TENM3: variants seen among roughly 807,000 people sequenced by gnomAD.
TENM3 encodes the protein teneurin-3.
Under a neutral mutation model 255.1 loss-of-function variants are expected in TENM3, and 63 were observed. The ratio of observed to expected loss-of-function variants is 0.25; its 90% CI spans 0.20 to 0.30. The LOEUF (loss-of-function observed/expected upper bound fraction) is 0.30, where lower values mean the gene tolerates loss of function less well. Among genes scored for constraint, TENM3 ranks in the 10% least tolerant of loss-of-function variants. The pLI, the probability that TENM3 is intolerant of heterozygous loss-of-function variation, is 1.00. For missense variants in TENM3, 2,929 were observed against 3,461.1 expected, an observed-to-expected ratio of 0.85 and a Z score of 3.86; for synonymous variants, 1,306 against 1,322.3, an observed-to-expected ratio of 0.99 and a Z score of 0.27.
intron 3 of TENM3, among the ~76,000 whole-genome samples, chr4:182,392,608 T>C (rs1580394094): frequency 6.6e-6 from 1 of 151,940 alleles, no homozygotes; most frequent in Non-Finnish European, 1.5e-5. Flanking sequence ...ATTGCCCATG[T>C]GGGGAGCGCT....
intron 5 of TENM3, among the ~76,000 whole-genome samples, chr4:182,643,252 A>G (rs553825217): frequency 6.6e-6 from 1 of 152,310 alleles, no homozygotes; most frequent in Non-Finnish European, 1.5e-5. Context: ...ATATTTATGT[A>G]TTCATGAAAT....
chr4:181,667,397 G>A, the TENM3 span, among the ~76,000 whole-genome samples: 20 of 151,904 alleles, frequency 1.3e-4, no homozygotes, highest in South Asian at 2.1e-4. Context: ...ACAATGGCTC[G>A]CAAACCATCT....
intron 3 of TENM3, among the ~76,000 whole-genome samples, chr4:182,360,269 G>A (rs1487386570): frequency 7.9e-6 from 1 of 127,174 alleles, no homozygotes; most frequent in Middle Eastern, 3.6e-3. Flanking sequence ...CAATTCCTGG[G>A]TATCCTTGTT....
the TENM3 span, among the ~76,000 whole-genome samples, chr4:181,755,467 C>G: frequency 1.3e-5 from 2 of 151,778 alleles, no homozygotes; most frequent in Non-Finnish European, 2.9e-5. Context: ...AGAAGTTTGT[C>G]AAACTTCTTA....
At chr4:182,444,437 T>C (rs1772745410) in intron 3 of TENM3, among the ~76,000 whole-genome samples, 1 of 152,128 alleles carries the variant, frequency 6.6e-6, no homozygotes, top group South Asian at 2.1e-4. Context: ...TATATATATA[T>C]TTACAAATAA....
At chr4:181,611,007 A>G in the TENM3 span, among the ~76,000 whole-genome samples, 5 of 152,202 alleles carry the variant, frequency 3.3e-5, no homozygotes, top group African/African-American at 1.2e-4. Flanking sequence ...GTTAGTTCCA[A>G]TGATTTTAGC....
the TENM3 span, among the ~76,000 whole-genome samples, chr4:181,965,661 G>A: frequency 6.6e-6 from 1 of 152,158 alleles, no homozygotes; most frequent in Non-Finnish European, 1.5e-5. Context: ...AGAATGTCAT[G>A]TTACAATTAG....
At chr4:181,656,588 C>G in the TENM3 span, among the ~76,000 whole-genome samples, 2 of 152,012 alleles carry the variant, frequency 1.3e-5, no homozygotes, top group African/African-American at 4.8e-5. Context: ...TTGAAAGGAT[C>G]CATCAGGCAG....
At chr4:182,380,181 G>A (rs772969484) in intron 3 of TENM3, among the ~76,000 whole-genome samples, 4 of 152,180 alleles carry the variant, frequency 2.6e-5, no homozygotes, top group Admixed American at 6.5e-5. Context: ...TGAGGCATGA[G>A]AATCACTTGA....
the TENM3 span, among the ~76,000 whole-genome samples, chr4:182,111,631 G>T: frequency 6.6e-6 from 1 of 152,242 alleles, no homozygotes; most frequent in African/African-American, 2.4e-5. Flanking sequence ...CTTTTCCTTA[G>T]GTCCTTTATT....
the TENM3 span, among the ~76,000 whole-genome samples, chr4:182,136,391 G>T: frequency 6.6e-6 from 1 of 151,992 alleles, no homozygotes; most frequent in African/African-American, 2.4e-5. Context: ...CTGATTCTTT[G>T]TCCTACACAT....
At chr4:181,711,197 T>G in the TENM3 span, among the ~76,000 whole-genome samples, 6 of 152,328 alleles carry the variant, frequency 3.9e-5, no homozygotes, top group Non-Finnish European at 8.8e-5. Context: ...AAGCCACATA[T>G]GCACAAGAAC....
the TENM3 span, among the ~76,000 whole-genome samples, chr4:181,585,361 C>T: frequency 6.6e-6 from 1 of 152,088 alleles, no homozygotes; most frequent in African/African-American, 2.4e-5. Flanking sequence ...ATATCGCAGC[C>T]TGAAGCTTTT....
the TENM3 span, among the ~76,000 whole-genome samples, chr4:181,472,839 C>G: frequency 3.3e-5 from 5 of 152,132 alleles, no homozygotes; most frequent in African/African-American, 1.2e-4. Flanking sequence ...GTTACCTACA[C>G]TCTTGGTTTC....
chr4:182,574,592 G>A (rs1744732916), intron 3 of TENM3, among the ~76,000 whole-genome samples: 3 of 152,064 alleles, frequency 2.0e-5, no homozygotes, highest in African/African-American at 7.2e-5. Flanking sequence ...ACATTAAAAT[G>A]TATTATTTTG....
the TENM3 span, among the ~76,000 whole-genome samples, chr4:181,524,030 G>A: frequency 2.0e-5 from 3 of 151,922 alleles, no homozygotes; most frequent in Non-Finnish European, 4.4e-5. Context: ...AGAATTCTAC[G>A]TGGCTCGCTG....
chr4:182,674,669 C>T lies in TENM3; in HGVS notation c.1326+1450C>T, dbSNP rs570803710. Among the ~76,000 whole-genome samples, 17 of 151,994 alleles carry T rather than the reference C, an allele frequency of 1.1e-4. 1 individual carries two copies. The highest frequency in any genetic ancestry group is 3.9e-4 in the Admixed American group (6 of 15,272). ...TACCTCACTGTAGCCTCAACCTCCT[C>T]GGCTCAGGTGATCCTTCCACCCCAG... On this transcript the variant is annotated intron_variant, in intron 7 of 27. Transcript: ENST00000511685.
At chr4:182,390,000 T>G (rs1768315378) in intron 3 of TENM3, among the ~76,000 whole-genome samples, 1 of 152,208 alleles carries the variant, frequency 6.6e-6, no homozygotes. Flanking sequence ...GATGACTCTT[T>G]AAAGGTCATT....
chr4:182,266,379 C>T (rs1328370374), intron 1 of TENM3, among the ~76,000 whole-genome samples: 2 of 152,136 alleles, frequency 1.3e-5, no homozygotes, highest in Non-Finnish European at 2.9e-5. Context: ...TTGTAGAAAA[C>T]TTCTAAAAAT....
Sources: allele counts gnomAD v4.1 joint callset (sites outside exome capture counted in the v4.1 genomes callset), GRCh38; gene constraint gnomAD v4.1.1; transcripts MANE v1.5; gene names NCBI Gene and HGNC (gene_info 2026-07-23, HGNC 2026-07-21).